Variants in TMEM108 observed in about 807,000 individuals in gnomAD.
The protein encoded by TMEM108 is transmembrane protein 108, also known as cancer/testis antigen 124.
TMEM108 carries 12 observed loss-of-function variants against 35.1 expected under a neutral mutation model. The ratio of observed to expected loss-of-function variants is 0.34; its 90% CI spans 0.22 to 0.55. TMEM108 has a LOEUF of 0.55. Ranked by LOEUF, TMEM108 falls within the 20% of genes least tolerant of loss-of-function variation. The pLI, the probability that TMEM108 is intolerant of heterozygous loss-of-function variation, is 0.89. For missense variants in TMEM108, 680 were observed against 753.3 expected (o/e 0.90, Z 1.14); for synonymous variants, 287 against 308.6 (o/e 0.93, Z 0.73).
rs368509708 is a variant in TMEM108 at position 133,276,645 on chromosome 3, T to A, written c.40+47294T>A. On this transcript the variant is annotated intron_variant, in intron 3 of 5. Coordinates refer to ENST00000321871, the MANE Select transcript of TMEM108 (RefSeq NM_023943.4). ...AGAAAGAAAACCGAAGAGAGTAAACTAGGAACTATCTCTATTTTTTTAAAT... is the reference window on the plus strand; with the variant it reads ...AGAAAGAAAACCGAAGAGAGTAAACAAGGAACTATCTCTATTTTTTTAAAT... 1.1e-4 allele frequency among the ~76,000 whole-genome samples: 16 copies of A among 152,296 alleles called. 1 individual carries two copies. The South Asian group carries it at 3.3e-3, about 32-fold the overall frequency.
intron 2 of TMEM108, among the ~76,000 whole-genome samples, chr3:133,160,324 A>C (rs561780201): frequency 6.6e-5 from 10 of 152,322 alleles, no homozygotes; most frequent in African/African-American, 2.4e-4. Flanking sequence ...TGGGTGTGAG[A>C]CTGTGAGAAC....
At chr3:133,178,748 G>T (rs1333680338) in intron 2 of TMEM108, among the ~76,000 whole-genome samples, 2 of 152,118 alleles carry the variant, frequency 1.3e-5, no homozygotes, top group Non-Finnish European at 2.9e-5. Context: ...CATAGGCATG[G>T]GCAAGGACTT....
intron 2 of TMEM108, among the ~76,000 whole-genome samples, chr3:133,149,307 A>G (rs569889824): frequency 1.1e-4 from 16 of 152,352 alleles, no homozygotes; most frequent in African/African-American, 3.8e-4. Context: ...TTGTGAAGTG[A>G]TTACCAAATC....
At chr3:133,178,570 A>G (rs1232464303) in intron 2 of TMEM108, among the ~76,000 whole-genome samples, 1 of 152,222 alleles carries the variant, frequency 6.6e-6, no homozygotes, top group Non-Finnish European at 1.5e-5. Flanking sequence ...AGGATTCCCT[A>G]TTTAATAAAT....
chr3:133,096,490 A>T (rs1342031401), intron 2 of TMEM108, among the ~76,000 whole-genome samples: 2 of 152,274 alleles, frequency 1.3e-5, no homozygotes, highest in African/African-American at 4.8e-5. Flanking sequence ...CATGGAGATG[A>T]GAGAGACTCA....
At chr3:133,386,568 A>G (rs2073153473) in intron 4 of TMEM108, 1 of 1,490,914 alleles carries the variant, frequency 6.7e-7, no homozygotes, top group Admixed American at 2.2e-5. Flanking sequence ...CTGGGAACCC[A>G]AGAGAGCTTA....
At chr3:133,366,514 C>T (rs1399640359) in intron 3 of TMEM108, among the ~76,000 whole-genome samples, 1 of 152,210 alleles carries the variant, frequency 6.6e-6, no homozygotes, top group African/African-American at 2.4e-5. Flanking sequence ...TCTACATGTG[C>T]AATATGCTCC....
At chr3:133,056,835 C>T (rs74750834) in intron 2 of TMEM108, among the ~76,000 whole-genome samples, 1,660 of 152,306 alleles carry the variant, frequency 0.011, 20 homozygotes, top group Non-Finnish European at 0.014. Context: ...CAACCTTGAG[C>T]ACTAATTCAT....
chr3:133,202,182 T>C (rs1401509907), intron 2 of TMEM108, among the ~76,000 whole-genome samples: 1 of 152,228 alleles, frequency 6.6e-6, no homozygotes, highest in Non-Finnish European at 1.5e-5. Context: ...TAATTCCTTG[T>C]AGATTCTGGA....
chr3:133,388,170 G>T (rs1375391356), intron 4 of TMEM108: 2 of 985,354 alleles, frequency 2.0e-6, no homozygotes, highest in African/African-American at 1.7e-5. Context: ...TTCCCAGATG[G>T]TTCCCTCTTT....
chr3:133,220,164 G>A (rs746774419), intron 2 of TMEM108, among the ~76,000 whole-genome samples: 12 of 143,246 alleles, frequency 8.4e-5, no homozygotes, highest in Middle Eastern at 3.4e-3. Flanking sequence ...TTTTATTTCT[G>A]TTTGCATGGA....
chr3:133,355,716 A>G (rs2072143882), intron 3 of TMEM108, among the ~76,000 whole-genome samples: 1 of 152,192 alleles, frequency 6.6e-6, no homozygotes, highest in Non-Finnish European at 1.5e-5. Context: ...TGTTGCTGAG[A>G]TGCTTGCAAA....
At position 133,041,083 on chromosome 3, in the gene TMEM108, G is replaced by C. The variant is rs1239125231; in HGVS notation, c.-166+2648G>C. ...GGCACTGGGTGAGATCATCTGATAG[G>C]GAAGCATTGGGGAAAGAGGAGAGCC... is the stretch of plus-strand genomic sequence containing the variant. On this transcript the variant is annotated intron_variant, in intron 1 of 5. Coordinates refer to ENST00000321871, the MANE Select transcript of TMEM108 (RefSeq NM_023943.4). Among the ~76,000 whole-genome samples, 4 of 152,190 alleles carry C rather than the reference G, an allele frequency of 2.6e-5. No individual in the cohort carries two copies. The East Asian group carries it at 7.7e-4, about 29-fold the overall frequency.
At chr3:133,224,951 T>C (rs1946047166) in intron 2 of TMEM108, among the ~76,000 whole-genome samples, 1 of 152,156 alleles carries the variant, frequency 6.6e-6, no homozygotes, top group Non-Finnish European at 1.5e-5. Context: ...TGTCTCAATA[T>C]TTCTTGTGTA....
chr3:133,251,460 A>C (rs1206760358), intron 3 of TMEM108, among the ~76,000 whole-genome samples: 1 of 152,116 alleles, frequency 6.6e-6, no homozygotes, highest in Admixed American at 6.6e-5. Context: ...TGCTATAACA[A>C]CTCAAAGATC....
At chr3:133,379,529 G>A (rs989575369) in intron 3 of TMEM108, among the ~76,000 whole-genome samples, 6 of 152,102 alleles carry the variant, frequency 3.9e-5, no homozygotes, top group Non-Finnish European at 8.8e-5. Context: ...GCTTCCCCTG[G>A]TGCTGGTCTC....
intron 2 of TMEM108, among the ~76,000 whole-genome samples, chr3:133,107,455 GGTGTGTGTGT>G (rs59305794): frequency 5.8e-4 from 84 of 143,604 alleles, no homozygotes; most frequent in Middle Eastern, 3.5e-3. Context: ...AAGTGTATGT[GGTGTGTGTGT>G]GTGTGTGTGT....
intron 2 of TMEM108, among the ~76,000 whole-genome samples, chr3:133,097,972 C>A (rs1386579427): frequency 2.0e-5 from 3 of 152,164 alleles, no homozygotes; most frequent in African/African-American, 7.2e-5. Context: ...AGAAGGGCTG[C>A]CTTGTGAGGC....
chr3:133,172,878 TG>T (rs1357105657), intron 2 of TMEM108, among the ~76,000 whole-genome samples: 1 of 152,192 alleles, frequency 6.6e-6, no homozygotes, highest in Non-Finnish European at 1.5e-5. Context: ...GTAAATCTCA[TG>T]AGATCTGATG....
Sources: allele counts gnomAD v4.1 joint callset (sites outside exome capture counted in the v4.1 genomes callset), GRCh38; gene constraint gnomAD v4.1.1; transcripts MANE v1.5; gene names NCBI Gene and HGNC (gene_info 2026-07-23, HGNC 2026-07-21).